The following ULK4 variants were observed in gnomAD, a reference collection of about 807,000 sequenced individuals.
The protein encoded by ULK4 is unc-51 like kinase 4.
In ULK4, 133 loss-of-function variants were observed where a neutral mutation model predicts 160.6. The ratio of observed to expected loss-of-function variants is 0.83; its 90% confidence interval spans 0.72 to 0.96. ULK4 has a LOEUF of 0.96. ULK4 is among the 40% of genes least tolerant of loss of function. ULK4 has a pLI of 0.00. For synonymous variants in ULK4, 534 were observed against 539.8 expected, an observed-to-expected ratio of 0.99 and a Z score of 0.15; for missense variants, 1,580 against 1,499.5, an observed-to-expected ratio of 1.05 and a Z score of -0.89.
intron 34 of ULK4, among the ~76,000 whole-genome samples, chr3:41,415,212 G>A (rs1435594607): frequency 6.6e-6 from 1 of 152,162 alleles, no homozygotes; most frequent in Non-Finnish European, 1.5e-5. Context: ...GGAAACCACA[G>A]AGGATAAATG....
chr3:41,585,293 A>G (rs191454676), intron 31 of ULK4, among the ~76,000 whole-genome samples: 29 of 152,336 alleles, frequency 1.9e-4, no homozygotes, highest in African/African-American at 4.6e-4. Context: ...ACAGTAATCA[A>G]GACAGTACTG....
chr3:41,922,286 G>A (rs185620375), intron 5 of ULK4, among the ~76,000 whole-genome samples: 78 of 152,262 alleles, frequency 5.1e-4, no homozygotes, highest in African/African-American at 1.9e-3. Context: ...CCTGGAGTTC[G>A]ACACCAGCCT....
intron 22 of ULK4, among the ~76,000 whole-genome samples, chr3:41,753,820 T>C (rs182704940): frequency 1.8e-4 from 27 of 152,234 alleles, no homozygotes; most frequent in African/African-American, 6.3e-4. Flanking sequence ...ATATCTGAGA[T>C]TGGGTAATTT....
chr3:41,493,022 G>C (rs1022002297), intron 32 of ULK4, among the ~76,000 whole-genome samples: 7 of 128,124 alleles, frequency 5.5e-5, no homozygotes, highest in African/African-American at 5.8e-5. Context: ...AGATCAATGA[G>C]ACAGAAAGTT....
chr3:41,248,924 T>C (rs2371485), intron 36 of ULK4, among the ~76,000 whole-genome samples: 147,725 of 152,322 alleles, frequency 0.97, 71,789 homozygotes, highest in East Asian at 1. Flanking sequence ...AGCCAAGGAC[T>C]GGGAGGCTAG....
At chr3:41,873,235 T>TAA (rs1438277817) in intron 17 of ULK4, among the ~76,000 whole-genome samples, 1 of 149,902 alleles carries the variant, frequency 6.7e-6, no homozygotes. Flanking sequence ...TTTTTTTTTT[T>TAA]TTTTTTTTGA....
At chr3:41,614,459 T>C in intron 31 of ULK4, among the ~76,000 whole-genome samples, 1 of 152,240 alleles carries the variant, frequency 6.6e-6, no homozygotes, top group East Asian at 1.9e-4. Context: ...AAGATACACA[T>C]ATCCATATCA....
chr3:41,579,800 A>G (rs1256351), intron 31 of ULK4, among the ~76,000 whole-genome samples: 64,734 of 151,954 alleles, frequency 0.43, 14,988 homozygotes, highest in Middle Eastern at 0.52. Flanking sequence ...CCTGGAACTA[A>G]TATTTTTTGC....
At chr3:41,571,286 A>AAT (rs1186282450) in intron 31 of ULK4, among the ~76,000 whole-genome samples, 4 of 152,200 alleles carry the variant, frequency 2.6e-5, no homozygotes, top group African/African-American at 9.6e-5. Flanking sequence ...CTCTAGGTGA[A>AAT]ATAAGAGAGC....
At chr3:41,867,199 T>C (rs1486159809) in intron 17 of ULK4, among the ~76,000 whole-genome samples, 1 of 152,200 alleles carries the variant, frequency 6.6e-6, no homozygotes, top group African/African-American at 2.4e-5. Flanking sequence ...ACTCTCCTTT[T>C]TCTAGCTTCT....
At chr3:41,811,785 T>C (rs541167489) in intron 19 of ULK4, among the ~76,000 whole-genome samples, 16 of 152,324 alleles carry the variant, frequency 1.1e-4, no homozygotes, top group Admixed American at 8.5e-4. Flanking sequence ...AAGAGGATAT[T>C]GTATGCAGCA....
chr3:41,526,150 G>C (rs1321818402), intron 32 of ULK4, among the ~76,000 whole-genome samples: 2 of 151,926 alleles, frequency 1.3e-5, no homozygotes, highest in Non-Finnish European at 2.9e-5. Context: ...TCTAGAGTGA[G>C]TGTGTTTGCA....
rs1416391613 is a variant in ULK4 at position 41,954,796 on chromosome 3, C to T, written c.-37G>A. 6.3e-7 allele frequency: 1 copy of T among 1,581,294 alleles called. No individual in the cohort carries two copies. The highest frequency in any genetic ancestry group is 8.6e-7 in the Non-Finnish European group (1 of 1,164,978). The stretch of plus-strand genomic sequence containing the variant: ...CTTCTCACATACAATAGAATAACAG[C>T]ATCTCTAGCTCCTAAGAAGTAAACA... On this transcript the variant is annotated 5_prime_UTR_variant, in exon 2 of 37. It removes an upstream start codon present in the reference 5' UTR. Transcript: ENST00000301831.
chr3:41,265,950 G>A (rs186058118), intron 35 of ULK4, among the ~76,000 whole-genome samples: 1 of 152,238 alleles, frequency 6.6e-6, no homozygotes, highest in African/African-American at 2.4e-5. Context: ...GGCATCTGCT[G>A]GTCCACACAC....
chr3:41,568,902 A>C (rs2087875332), intron 31 of ULK4, among the ~76,000 whole-genome samples: 1 of 152,194 alleles, frequency 6.6e-6, no homozygotes, highest in South Asian at 2.1e-4. Context: ...GGACCTCTGG[A>C]ACTTCTGACC....
chr3:41,789,566 A>G, intron 21 of ULK4, 95 bp downstream of exon 21: 1 of 1,257,928 alleles, frequency 7.9e-7, no homozygotes, highest in Non-Finnish European at 1.1e-6. Flanking sequence ...GGGATAAAAA[A>G]TGAATTCTAC....
chr3:41,612,540 G>C (rs1283939530), intron 31 of ULK4, among the ~76,000 whole-genome samples: 2 of 152,174 alleles, frequency 1.3e-5, no homozygotes, highest in Non-Finnish European at 2.9e-5. Flanking sequence ...CTCCTCAGTA[G>C]GTAGTGACAA....
chr3:41,247,094 G>T, intron 36 of ULK4, 102 bp from the exon 37 acceptor site: 1 of 1,115,494 alleles, frequency 9.0e-7, no homozygotes, highest in Non-Finnish European at 1.3e-6. Context: ...AGTATCTGGT[G>T]GACCAGCTGC....
chr3:41,555,478 C>T (rs1172074869), intron 32 of ULK4, among the ~76,000 whole-genome samples: 1 of 152,168 alleles, frequency 6.6e-6, no homozygotes, highest in South Asian at 2.1e-4. Flanking sequence ...GAAATACCAT[C>T]TAACACCAGT....
Sources: allele counts gnomAD v4.1 joint callset (sites outside exome capture counted in the v4.1 genomes callset), GRCh38; gene constraint gnomAD v4.1.1; transcripts MANE v1.5; gene names NCBI Gene and HGNC (gene_info 2026-07-23, HGNC 2026-07-21).